The following RRM2 variants were observed in gnomAD, a reference collection of about 807,000 sequenced individuals.
The protein encoded by RRM2 is ribonucleoside-diphosphate reductase subunit M2.
A neutral mutation model predicts 45.9 loss-of-function variants in RRM2; 6 were observed. That is an observed-to-expected ratio of 0.13 (90% confidence interval 0.07 to 0.26). The LOEUF (loss-of-function observed/expected upper bound fraction) is 0.26, where lower values mean the gene tolerates loss of function less well. RRM2 is among the 10% of genes least tolerant of loss of function. The probability of loss-of-function intolerance (pLI) is 1.00; values close to 1 mark genes in which losing one functional copy is unlikely to be tolerated. For synonymous variants in RRM2, 177 were observed against 173.0 expected, an observed-to-expected ratio of 1.02 and a Z score of -0.18; for missense variants, 343 against 489.5, an observed-to-expected ratio of 0.70 and a Z score of 2.82.
chr2:10,166,134 T>C (rs1180255723), intron 3 of RRM2, among the ~76,000 whole-genome samples: 1 of 152,210 alleles, frequency 6.6e-6, no homozygotes, highest in Non-Finnish European at 1.5e-5. Context: ...CCGTTCCATC[T>C]TAATGCCTTT....
At chr2:10,173,365 G>C (rs983184812) in intron 3 of RRM2, among the ~76,000 whole-genome samples, 1 of 152,148 alleles carries the variant, frequency 6.6e-6, no homozygotes, top group African/African-American at 2.4e-5. Context: ...GCACAATAGT[G>C]GCAAGTGCCC....
Position 10,207,759 on chromosome 2 carries a change from G to A in RRM2, n.483-2552G>A, listed in dbSNP as rs72788366. Among the ~76,000 whole-genome samples the A allele has an allele frequency of 3.8e-3, 571 of 151,686 alleles. 10 individuals are homozygous for A. The highest frequency in any genetic ancestry group is 0.036 in the East Asian group (187 of 5,132). ...CTCTCCCCCATTAAATGTTCCCCTCGTGCCATGGTCCCCTCATCTGTGACA... is the reference window on the plus strand; with the variant it reads ...CTCTCCCCCATTAAATGTTCCCCTCATGCCATGGTCCCCTCATCTGTGACA... On this transcript the variant is annotated intron_variant and non_coding_transcript_variant, in intron 3 of 3. Transcript: ENST00000381786.
intron 3 of RRM2, among the ~76,000 whole-genome samples, chr2:10,144,838 C>A (rs1203773056): frequency 6.6e-6 from 1 of 152,130 alleles, no homozygotes; most frequent in Non-Finnish European, 1.5e-5. Flanking sequence ...GCTCAGCCAG[C>A]CCCTCGAGGG....
At chr2:10,173,221 C>T (rs112488568) in intron 3 of RRM2, among the ~76,000 whole-genome samples, 3,071 of 152,252 alleles carry the variant, frequency 0.02, 98 homozygotes, top group African/African-American at 0.07. Flanking sequence ...GCATGGGTTC[C>T]ATAGCAGGCA....
chr2:10,194,176 A>T (rs1272199789), intron 3 of RRM2, among the ~76,000 whole-genome samples: 1 of 152,222 alleles, frequency 6.6e-6, no homozygotes, highest in Non-Finnish European at 1.5e-5. Flanking sequence ...AGAGCTGGAA[A>T]AGCTTCGAAG....
At chr2:10,149,873 C>G (rs925450452) in intron 3 of RRM2, among the ~76,000 whole-genome samples, 1 of 152,240 alleles carries the variant, frequency 6.6e-6, no homozygotes, top group African/African-American at 2.4e-5. Context: ...AGGCCCCACT[C>G]CTGCTCATGC....
Position 10,123,727 on chromosome 2 carries a change from G to A in RRM2, c.319-9G>A. On this transcript the variant is annotated splice_polypyrimidine_tract_variant and intron_variant, in intron 3 of 9. Transcript: ENST00000304567. ...CTTTTATGCTAAAATTGTGACTTCC[G>A]AACCTCAGGTGGACCTCTCCAAGGA... The A allele has an allele frequency of 6.4e-7, 1 of 1,553,814 alleles. No individual in the cohort carries two copies. The highest frequency in any genetic ancestry group is 8.9e-7 in the Non-Finnish European group (1 of 1,127,196).
chr2:10,182,616 T>G (rs1664084274), intron 3 of RRM2, among the ~76,000 whole-genome samples: 1 of 152,148 alleles, frequency 6.6e-6, no homozygotes, highest in African/African-American at 2.4e-5. Flanking sequence ...CTGAGCAACA[T>G]AGCAAGGCCT....
chr2:10,188,878 A>G (rs1368825271), intron 3 of RRM2, among the ~76,000 whole-genome samples: 1 of 152,138 alleles, frequency 6.6e-6, no homozygotes, highest in African/African-American at 2.4e-5. Flanking sequence ...CTGAGAAGTC[A>G]GAAGTCATGA....
Position 10,185,869 on chromosome 2 carries a change from C to A in RRM2, n.483-24442C>A, listed in dbSNP as rs1664153991. On this transcript the variant is annotated intron_variant and non_coding_transcript_variant, in intron 3 of 3. Coordinates refer to the RRM2 transcript ENST00000381786. This position sits in a 1 kb window ranked among gnomAD's most constrained non-coding sequence, Gnocchi z 4.3. ...CGAAGATGGGGCAGTGCAGCCCCTG[C>A]TGAGCTGACCCTCCTTTCTGTCCTT... is the stretch of plus-strand genomic sequence containing the variant. 6.6e-6 allele frequency among the ~76,000 whole-genome samples: 1 copy of A among 152,174 alleles called. No individual in the cohort carries two copies. Among genetic ancestry groups the A allele is most frequent in the Admixed American group, 6.5e-5 (1 of 15,278 alleles).
chr2:10,137,999 CTTTGT>C (rs200907657), upstream of RRM2, among the ~76,000 whole-genome samples: 4 of 152,124 alleles, frequency 2.6e-5, no homozygotes, highest in Admixed American at 6.5e-5. Context: ...TAGGCTCCCT[CTTTGT>C]TTTGTTTTGT....
At chr2:10,138,738 G>A (rs1663031885), upstream of RRM2, among the ~76,000 whole-genome samples, 1 of 152,192 alleles carries the variant, frequency 6.6e-6, no homozygotes, top group African/African-American at 2.4e-5. Context: ...GGCCCAACAG[G>A]CTTGTGAGAA....
intron 7 of RRM2, among the ~76,000 whole-genome samples, chr2:10,128,107 G>GT (rs1196290906): frequency 6.6e-6 from 1 of 152,116 alleles, no homozygotes; most frequent in East Asian, 1.9e-4. Context: ...GGAGGTTGCA[G>GT]TGAGTCAAGA....
At chr2:10,158,895 C>G (rs917062177) in intron 3 of RRM2, among the ~76,000 whole-genome samples, 5 of 152,154 alleles carry the variant, frequency 3.3e-5, no homozygotes, top group Non-Finnish European at 7.3e-5. Flanking sequence ...TGACACTGAC[C>G]TGACCCAACC....
In RRM2 at chr2:10,131,248, G is replaced by A. The variant is rs1237340246; in HGVS notation, c.*1862G>A. The A allele has an allele frequency of 6.6e-6, 1 of 152,168 alleles. No homozygotes were observed. Among genetic ancestry groups the A allele is most frequent in the Non-Finnish European group, 1.5e-5 (1 of 68,042 alleles). The allele number at this position is 152,168 out of a possible 1,614,324, so 9.4% of individuals were successfully genotyped here. A position where few individuals can be genotyped will look rare whatever the true frequency, so the allele number is the denominator to read the frequency against. On this transcript the variant is annotated 3_prime_UTR_variant, in exon 10 of 10. Transcript: ENST00000304567. ...GCATTGTGAGGTACAGGCGGAAGTT[G>A]GAATCAGGTTTTAGGATTCTGTCTC...
Position 10,144,053 on chromosome 2 carries a change from C to T in RRM2, n.482+1678C>T, listed in dbSNP as rs151022966. 6.4e-3 allele frequency among the ~76,000 whole-genome samples: 982 copies of T among 152,346 alleles called. 7 individuals are homozygous for T. Among genetic ancestry groups the T allele is most frequent in the Admixed American group, 0.01 (157 of 15,292 alleles). ...CTGTGGATCTGACAGAATGCATGTC[C>T]GCTCTGCCATCACTATTCACGCACA... On this transcript the variant is annotated intron_variant and non_coding_transcript_variant, in intron 3 of 3. Coordinates refer to the RRM2 transcript ENST00000381786.
chr2:10,181,623 G>T (rs1477946008), intron 3 of RRM2, among the ~76,000 whole-genome samples: 1 of 151,966 alleles, frequency 6.6e-6, no homozygotes, highest in East Asian at 1.9e-4. Flanking sequence ...TGCTTTGGTT[G>T]CATCCCTGCA....
intron 3 of RRM2, among the ~76,000 whole-genome samples, chr2:10,197,052 C>T (rs1664430555): frequency 6.6e-6 from 1 of 152,210 alleles, no homozygotes; most frequent in Non-Finnish European, 1.5e-5. Context: ...GGCCCTACTC[C>T]AGGGCAGCTT....
chr2:10,154,244 C>A (rs1165590547), intron 3 of RRM2, among the ~76,000 whole-genome samples: 1 of 152,058 alleles, frequency 6.6e-6, no homozygotes, highest in Non-Finnish European at 1.5e-5. Flanking sequence ...GAGGCCTAGG[C>A]GGGCAGATCG....
Sources: allele counts gnomAD v4.1 joint callset (sites outside exome capture counted in the v4.1 genomes callset), GRCh38; gene constraint gnomAD v4.1.1; non-coding constraint Gnocchi (gnomAD v3.1); transcripts MANE v1.5; gene names NCBI Gene and HGNC (gene_info 2026-07-23, HGNC 2026-07-21).